Variants in RHPN2 observed in about 807,000 individuals in gnomAD.
RHPN2 encodes rhophilin Rho GTPase binding protein 2, also known as rhophilin-2.
In RHPN2, 40 loss-of-function variants were observed where a neutral mutation model predicts 79.0. The observed-to-expected ratio is 0.51, with a 90% CI of 0.39 to 0.66. The LOEUF is 0.66. Ranked by LOEUF, RHPN2 falls within the 30% of genes least tolerant of loss-of-function variation. RHPN2 has a pLI of 0.00. For missense variants in RHPN2, 686 were observed against 883.5 expected (o/e 0.78, Z 2.83); for synonymous variants, 285 against 363.5 (o/e 0.78, Z 2.46).
intron 1 of RHPN2, among the ~76,000 whole-genome samples, chr19:33,050,631 AC>A (rs1306340413): frequency 2.0e-5 from 3 of 152,132 alleles, no homozygotes; most frequent in African/African-American, 7.2e-5. Context: ...TTTGCTCAAT[AC>A]CATGTTTTCA....
At chr19:33,037,472 T>A (rs1355779667) in intron 2 of RHPN2, among the ~76,000 whole-genome samples, 1 of 152,184 alleles carries the variant, frequency 6.6e-6, no homozygotes, top group Non-Finnish European at 1.5e-5. Context: ...GGAAGCTTTG[T>A]TCTTTCACTC....
At chr19:33,022,616 G>A (rs893693657) in intron 3 of RHPN2, among the ~76,000 whole-genome samples, 3 of 152,150 alleles carry the variant, frequency 2.0e-5, no homozygotes, top group Admixed American at 6.5e-5. Context: ...ACCACAGGTC[G>A]CCTGGGGAGT....
intron 1 of RHPN2, among the ~76,000 whole-genome samples, chr19:33,053,587 C>A (rs138198847): frequency 0.015 from 2,215 of 151,848 alleles, 56 homozygotes; most frequent in African/African-American, 0.051. Flanking sequence ...CCATGCCTGG[C>A]TAATTTTTGT....
chr19:33,021,183 C>A (rs1171739964), intron 4 of RHPN2, among the ~76,000 whole-genome samples: 3 of 152,116 alleles, frequency 2.0e-5, no homozygotes, highest in Non-Finnish European at 2.9e-5. Context: ...GTCCAAGACC[C>A]AGGAGGAGCT....
At chr19:33,036,878 G>GC (rs1032865010) in intron 2 of RHPN2, among the ~76,000 whole-genome samples, 7 of 148,558 alleles carry the variant, frequency 4.7e-5, no homozygotes, top group African/African-American at 1.8e-4. Flanking sequence ...GAGCCCCCCC[G>GC]CCACCCTCTG....
chr19:32,985,420 GAGCTTAGAAGTTAGAGAAC>G (rs1164165534), intron 14 of RHPN2, among the ~76,000 whole-genome samples: 3 of 152,144 alleles, frequency 2.0e-5, no homozygotes, highest in Non-Finnish European at 2.9e-5. Context: ...CGGATTGCTT[GAGCTTAGAAGTTAGAGAAC>G]AGCTAGGGCA....
At position 33,011,586 on chromosome 19, in the gene RHPN2, G is replaced by A. The variant is rs1173574664; in HGVS notation, c.593+93C>T. On this transcript the variant is annotated intron_variant, in intron 6 of 14. Transcript: ENST00000254260. ...ATAGGAAAGGGGGCTGAGGTGCACAGGGGCACCCGCAGAGGGGCGTCTGTG... is the reference window on the plus strand; with the variant it reads ...ATAGGAAAGGGGGCTGAGGTGCACAAGGGCACCCGCAGAGGGGCGTCTGTG... The A allele has an allele frequency of 2.0e-6, 3 of 1,515,164 alleles. No homozygotes were observed. In the Admixed American group the frequency reaches 5.0e-5, roughly 25 times the overall value. The allele number at this position is 1,515,164 out of a possible 1,614,324, so 93.9% of individuals were successfully genotyped here.
chr19:33,026,962 A>T, intron 2 of RHPN2: 1 of 349,692 alleles, frequency 2.9e-6, no homozygotes, highest in South Asian at 2.3e-5. Flanking sequence ...CTTGAAAAGA[A>T]ATGAATGATT....
At chr19:33,034,604 T>TG (rs1568322070) in intron 2 of RHPN2, among the ~76,000 whole-genome samples, 15 of 9,598 alleles carry the variant, frequency 1.6e-3, no homozygotes, top group African/African-American at 5.3e-3. Context: ...AGACTCCGTC[T>TG]CAAAAAAAAA....
intron 2 of RHPN2, among the ~76,000 whole-genome samples, chr19:33,035,399 G>C (rs1972048230): frequency 6.6e-6 from 1 of 152,166 alleles, no homozygotes; most frequent in East Asian, 1.9e-4. Flanking sequence ...ACCACACCTG[G>C]CCTAAAAATT....
At chr19:33,064,227 G>C (rs972740178) in intron 1 of RHPN2, among the ~76,000 whole-genome samples, 2 of 152,182 alleles carry the variant, frequency 1.3e-5, no homozygotes, top group African/African-American at 4.8e-5. Flanking sequence ...CCAGTTACTC[G>C]GGAGGCTGGG....
chr19:33,008,383 A>G (rs1971810856), intron 6 of RHPN2, among the ~76,000 whole-genome samples: 1 of 151,220 alleles, frequency 6.6e-6, no homozygotes, highest in Admixed American at 6.6e-5. Context: ...TCATGAGAAT[A>G]GCTGGCATTA....
chr19:33,005,338 G>A (rs1276793561), intron 7 of RHPN2, among the ~76,000 whole-genome samples: 6 of 149,578 alleles, frequency 4.0e-5, no homozygotes. Flanking sequence ...ACTTGAACCC[G>A]GGAAGCAGAG....
At chr19:33,053,191 G>A (rs1471012601) in intron 1 of RHPN2, among the ~76,000 whole-genome samples, 1 of 151,922 alleles carries the variant, frequency 6.6e-6, no homozygotes, top group Non-Finnish European at 1.5e-5. Context: ...GTTTCACCAT[G>A]TTGGCCAGGC....
At chr19:33,005,412 CA>C (rs766044835) in intron 7 of RHPN2, among the ~76,000 whole-genome samples, 9,788 of 62,358 alleles carry the variant, frequency 0.16, 256 homozygotes, top group South Asian at 0.3. Context: ...GATTCTGTCT[CA>C]AAAAAAAAAA....
At chr19:33,005,765 A>T (rs183867773) in intron 7 of RHPN2, among the ~76,000 whole-genome samples, 122 of 152,280 alleles carry the variant, frequency 8.0e-4, no homozygotes, top group African/African-American at 2.9e-3. Context: ...GAGACAGGAC[A>T]CAGAGTGCCT....
chr19:33,014,189 C>A (rs956242443), intron 4 of RHPN2, among the ~76,000 whole-genome samples: 1 of 151,256 alleles, frequency 6.6e-6, no homozygotes, highest in African/African-American at 2.4e-5. Context: ...CCTCTTTACA[C>A]AACTTTTACA....
chr19:33,031,686 C>T (rs757900366), intron 2 of RHPN2, among the ~76,000 whole-genome samples: 2 of 151,072 alleles, frequency 1.3e-5, no homozygotes, highest in African/African-American at 4.9e-5. Context: ...GCCTGGCTAA[C>T]GTAGGTTTTT....
chr19:32,994,946 T>C (rs895047558), intron 11 of RHPN2, among the ~76,000 whole-genome samples: 1 of 152,092 alleles, frequency 6.6e-6, no homozygotes, highest in African/African-American at 2.4e-5. Context: ...AAGAGCGAAA[T>C]GACCTCTCAA....
Sources: allele counts gnomAD v4.1 joint callset (sites outside exome capture counted in the v4.1 genomes callset), GRCh38; gene constraint gnomAD v4.1.1; transcripts MANE v1.5; gene names NCBI Gene and HGNC (gene_info 2026-07-23, HGNC 2026-07-21).